The following FRAS1 variants were observed in gnomAD, a reference collection of about 807,000 sequenced individuals.
FRAS1 encodes extracellular matrix organizing protein FRAS1.
Under a neutral mutation model 435.2 loss-of-function variants are expected in FRAS1, and 290 were observed. That is an observed-to-expected ratio of 0.67 (90% confidence interval 0.61 to 0.73). FRAS1 has a LOEUF of 0.73. Among genes scored for constraint, FRAS1 ranks in the 30% least tolerant of loss-of-function variants. The pLI, the probability that FRAS1 is intolerant of heterozygous loss-of-function variation, is 0.00. For synonymous variants in FRAS1, 1,800 were observed against 1,851.0 expected (o/e 0.97, Z 0.71); for missense variants, 4,860 against 5,001.5 (o/e 0.97, Z 0.85).
chr4:78,181,480 G>C (rs1721996885), intron 2 of FRAS1: 1 of 1,611,596 alleles, frequency 6.2e-7, no homozygotes, highest in Non-Finnish European at 8.5e-7. Context: ...ATTCACGTTT[G>C]CCACGAGAAT....
intron 14 of FRAS1, among the ~76,000 whole-genome samples, chr4:78,299,269 T>A (rs959483001): frequency 3.9e-5 from 6 of 152,146 alleles, no homozygotes; most frequent in Admixed American, 2.0e-4. Context: ...GTCTGTCGAT[T>A]GAGGCCATCC....
At chr4:78,200,143 TG>T (rs1722988777) in intron 2 of FRAS1, among the ~76,000 whole-genome samples, 8 of 152,190 alleles carry the variant, frequency 5.3e-5, no homozygotes, top group Admixed American at 2.0e-4. Flanking sequence ...GCTGGAGTCA[TG>T]TGGATCTGAT....
chr4:78,465,698 G>T (rs1016020712), intron 49 of FRAS1, among the ~76,000 whole-genome samples: 2 of 75,836 alleles, frequency 2.6e-5, no homozygotes, highest in African/African-American at 6.1e-5. Flanking sequence ...AGAGGGCCAT[G>T]CTGGCCCTGG....
chr4:78,491,919 C>A (rs533302882), intron 59 of FRAS1, among the ~76,000 whole-genome samples: 4 of 152,202 alleles, frequency 2.6e-5, no homozygotes, highest in Admixed American at 1.3e-4. Flanking sequence ...GTCTCAGCCC[C>A]AAATCTCCTT....
At chr4:78,242,012 G>C (rs1440115171) in intron 3 of FRAS1, among the ~76,000 whole-genome samples, 1 of 152,044 alleles carries the variant, frequency 6.6e-6, no homozygotes, top group Non-Finnish European at 1.5e-5. Context: ...AAGGAAGGAG[G>C]TTCCTTATCT....
At chr4:78,445,206 C>T (rs1050230326) in intron 41 of FRAS1, among the ~76,000 whole-genome samples, 19 of 152,166 alleles carry the variant, frequency 1.2e-4, no homozygotes, top group African/African-American at 4.6e-4. Context: ...AAGTTATGAT[C>T]AGAGACTCCT....
Position 78,417,737 on chromosome 4 carries a change from G to A in FRAS1, c.4426-1212G>A, listed in dbSNP as rs191139953. 2.2e-4 allele frequency among the ~76,000 whole-genome samples: 33 copies of A among 152,260 alleles called. No homozygotes were observed. The East Asian group carries it at 5.0e-3, about 23-fold the overall frequency. ...AACCTACAATCTTTTCATGGTTAAA[G>A]GAAGAACACCACACCCTCCTCTATG... On this transcript the variant is annotated intron_variant, in intron 32 of 73. Coordinates refer to ENST00000512123, the MANE Select transcript of FRAS1 (RefSeq NM_025074.7).
intron 2 of FRAS1, chr4:78,181,538 C>T: frequency 1.2e-6 from 2 of 1,611,636 alleles, no homozygotes; most frequent in South Asian, 2.2e-5. Flanking sequence ...CCCTCGACCT[C>T]TTCCAAGACC....
At chr4:78,509,836 C>T (rs1273407945) in intron 63 of FRAS1, among the ~76,000 whole-genome samples, 1 of 152,222 alleles carries the variant, frequency 6.6e-6, no homozygotes, top group Non-Finnish European at 1.5e-5. Flanking sequence ...TCCAACAATT[C>T]TTGCCTAAAA....
intron 2 of FRAS1, among the ~76,000 whole-genome samples, chr4:78,124,179 T>A (rs1431112079): frequency 6.6e-6 from 1 of 152,242 alleles, no homozygotes; most frequent in East Asian, 1.9e-4. Flanking sequence ...GTTTTTGGCA[T>A]GAAAGTCTGT....
intron 47 of FRAS1, among the ~76,000 whole-genome samples, chr4:78,457,660 C>T (rs988883145): frequency 6.6e-6 from 1 of 152,224 alleles, no homozygotes; most frequent in Admixed American, 6.5e-5. Flanking sequence ...TGAGTGCCCT[C>T]AAGGACGAGT....
intron 30 of FRAS1, among the ~76,000 whole-genome samples, chr4:78,401,487 C>G (rs1732890698): frequency 6.6e-6 from 1 of 152,172 alleles, no homozygotes; most frequent in African/African-American, 2.4e-5. Flanking sequence ...ACACTGAAGG[C>G]CAGTTATTGC....
At chr4:78,393,191 A>G (rs948390041) in intron 29 of FRAS1, among the ~76,000 whole-genome samples, 7 of 151,922 alleles carry the variant, frequency 4.6e-5, no homozygotes, top group African/African-American at 1.7e-4. Context: ...TTTGTTTACT[A>G]ATTTTATGTA....
intron 2 of FRAS1, among the ~76,000 whole-genome samples, chr4:78,096,680 C>G (rs563700552): frequency 1.3e-5 from 2 of 152,220 alleles, no homozygotes; most frequent in African/African-American, 2.4e-5. Context: ...ACATTGGCCC[C>G]TTTCAGCCAT....
chr4:78,493,225 C>T (rs909411892), intron 59 of FRAS1, among the ~76,000 whole-genome samples: 2 of 152,258 alleles, frequency 1.3e-5, no homozygotes, highest in African/African-American at 4.8e-5. Flanking sequence ...ATTAGTTCAA[C>T]CATTGTGGAA....
rs1560570780 is a variant in FRAS1 at position 78,188,326 on chromosome 4, CTATCTATA to C, written c.109-49182_109-49175del. Among the ~76,000 whole-genome samples, 107 of 126,466 alleles carry C rather than the reference CTATCTATA, an allele frequency of 8.5e-4. 1 individual carries two copies. The highest frequency in any genetic ancestry group is 3.0e-3 in the African/African-American group (102 of 34,098). 83.0% of individuals were successfully genotyped at this position (126,466 alleles called of 152,430 possible). A position where few individuals can be genotyped will look rare whatever the true frequency, so the allele number is the denominator to read the frequency against. On this transcript the variant is annotated intron_variant, in intron 2 of 73. Transcript: ENST00000512123. Reference sequence around the variant, plus strand: ...CTATCTATCTATCTATCTAATCTATCTATCTATATTTAGGTTGGTGCAAAGGTAATTGA... The same window carrying C: ...CTATCTATCTATCTATCTAATCTATCTTTAGGTTGGTGCAAAGGTAATTGA...
At position 78,509,106 on chromosome 4, in the gene FRAS1, C is replaced by T; in HGVS notation, c.9780+100C>T. On this transcript the variant is annotated intron_variant, in intron 63 of 73. Transcript: ENST00000512123. ...CAAATTCCTTATGGTCCATGCATGGCATTTGGAATAAAACAAATAAGCAGG... is the reference window on the plus strand; with the variant it reads ...CAAATTCCTTATGGTCCATGCATGGTATTTGGAATAAAACAAATAAGCAGG... 2.3e-6 allele frequency: 3 copies of T among 1,299,564 alleles called. No homozygotes were observed. The South Asian group carries it at 3.9e-5, about 17-fold the overall frequency. 80.5% of individuals were successfully genotyped at this position (1,299,564 alleles called of 1,614,324 possible). A position where few individuals can be genotyped will look rare whatever the true frequency, so the allele number is the denominator to read the frequency against.
At chr4:78,521,320 A>C (rs1388253801) in intron 67 of FRAS1, among the ~76,000 whole-genome samples, 1 of 151,928 alleles carries the variant, frequency 6.6e-6, no homozygotes, top group Non-Finnish European at 1.5e-5. Context: ...TGGAACCATT[A>C]CAAAAAAAAA....
intron 4 of FRAS1, among the ~76,000 whole-genome samples, chr4:78,252,009 A>T (rs529702089): frequency 6.6e-6 from 1 of 152,236 alleles, no homozygotes; most frequent in African/African-American, 2.4e-5. Context: ...AAACAGGATC[A>T]GAGAGAGCTA....
Sources: gnomAD v4.1 joint callset for allele counts (sites outside exome capture counted in the v4.1 genomes callset) on GRCh38, gnomAD v4.1.1 for gene constraint, MANE v1.5 for transcripts, NCBI Gene and HGNC (gene_info 2026-07-23, HGNC 2026-07-21) for gene names.